KLRG1: variants seen among roughly 807,000 people sequenced by gnomAD.
KLRG1 encodes killer cell lectin-like receptor subfamily G member 1.
A neutral mutation model predicts 21.8 loss-of-function variants in KLRG1; 16 were observed. The ratio of observed to expected loss-of-function variants is 0.73; its 90% CI spans 0.50 to 1.11. The LOEUF (loss-of-function observed/expected upper bound fraction) is 1.11. KLRG1 is among the 50% of genes most tolerant of loss of function. The pLI is 0.00. For synonymous variants in KLRG1, 69 were observed against 75.9 expected, an observed-to-expected ratio of 0.91 and a Z score of 0.47; for missense variants, 173 against 218.3, an observed-to-expected ratio of 0.79 and a Z score of 1.31.
the KLRG1 span, among the ~76,000 whole-genome samples, chr12:9,177,371 T>C: frequency 6.6e-6 from 1 of 152,184 alleles, no homozygotes; most frequent in Middle Eastern, 3.2e-3. Flanking sequence ...GAAGCAGATC[T>C]TCCAACCTCT....
chr12:9,132,046 C>G, the KLRG1 span, among the ~76,000 whole-genome samples: 2 of 152,066 alleles, frequency 1.3e-5, no homozygotes, highest in South Asian at 4.1e-4. Flanking sequence ...TGGGCATACC[C>G]CTGAATGTCC....
the KLRG1 span, chr12:9,162,605 C>T: frequency 1.3e-6 from 2 of 1,589,996 alleles, no homozygotes; most frequent in African/African-American, 1.3e-5. Context: ...ACCTGAGGCA[C>T]AGGTCATAGA....
At chr12:9,141,425 A>G in the KLRG1 span, among the ~76,000 whole-genome samples, 5 of 152,210 alleles carry the variant, frequency 3.3e-5, no homozygotes, top group African/African-American at 9.6e-5. Context: ...TAAGATTTCT[A>G]TAGACCCTTT....
intron 3 of KLRG1, among the ~76,000 whole-genome samples, chr12:8,999,555 G>A (rs779330078): frequency 2.8e-4 from 42 of 152,306 alleles, no homozygotes; most frequent in Non-Finnish European, 5.0e-4. Context: ...TTCTTTGGGT[G>A]CAGCAATGCA....
chr12:8,995,698 T>G (rs997618633), intron 3 of KLRG1, among the ~76,000 whole-genome samples: 9 of 151,872 alleles, frequency 5.9e-5, no homozygotes, highest in Non-Finnish European at 1.2e-4. Flanking sequence ...TTTTTTTTTT[T>G]TTTTGACAGA....
the KLRG1 span, chr12:9,152,904 A>G: frequency 6.2e-7 from 1 of 1,614,198 alleles, no homozygotes; most frequent in Middle Eastern, 1.6e-4. Flanking sequence ...CTTTTAAAGC[A>G]AATGGGGAGT....
the KLRG1 span, chr12:9,079,267 A>G: frequency 3.7e-6 from 6 of 1,613,758 alleles, no homozygotes; most frequent in South Asian, 1.1e-5. Flanking sequence ...GGTTCCTGCC[A>G]TATCGCTCCC....
At chr12:8,986,983 C>T (rs1364807245), upstream of KLRG1, among the ~76,000 whole-genome samples, 4 of 152,174 alleles carry the variant, frequency 2.6e-5, no homozygotes, top group African/African-American at 7.2e-5. Flanking sequence ...TTTCCTGAGG[C>T]CTGCCCAGAA....
the KLRG1 span, among the ~76,000 whole-genome samples, chr12:9,146,781 C>G: frequency 1.3e-5 from 2 of 152,124 alleles, no homozygotes; most frequent in Non-Finnish European, 2.9e-5. Flanking sequence ...ATAGTGTTCA[C>G]CACTTCAAAT....
At chr12:9,024,745 G>T in the KLRG1 span, among the ~76,000 whole-genome samples, 1 of 152,150 alleles carries the variant, frequency 6.6e-6, no homozygotes, top group Admixed American at 6.5e-5. Flanking sequence ...TTCACCCCTG[G>T]TTCCATTTTT....
At chr12:8,971,308 A>C (rs1946562877) in intron 1 of KLRG1, 1 of 151,884 alleles carries the variant, frequency 6.6e-6, no homozygotes, top group Non-Finnish European at 1.5e-5. Context: ...TCAGTTTGTT[A>C]AATTCTGTTT....
the KLRG1 span, among the ~76,000 whole-genome samples, chr12:9,031,656 G>C: frequency 1.3e-5 from 2 of 152,250 alleles, no homozygotes; most frequent in African/African-American, 4.8e-5. Context: ...AGGAGGTCCT[G>C]GGAACATGTG....
At chr12:9,110,335 C>A in the KLRG1 span, 1 of 1,432,880 alleles carries the variant, frequency 7.0e-7, no homozygotes, top group Non-Finnish European at 9.3e-7. Flanking sequence ...CTAGTGGAAT[C>A]TGAAAGACAA....
the KLRG1 span, among the ~76,000 whole-genome samples, chr12:9,177,251 A>G: frequency 1.3e-5 from 2 of 152,238 alleles, no homozygotes; most frequent in Admixed American, 6.5e-5. Flanking sequence ...CTTGGATCAC[A>G]TGCTCTGGAG....
In KLRG1 at chr12:9,009,385, G is replaced by A. The variant is rs984717278; in HGVS notation, c.459-41G>A. ...TCATGCCTTTCAACTCCTTTTCTGTGCATGCGGCCTTAAGTGATTGACTTT... is the reference window on the plus strand; with the variant it reads ...TCATGCCTTTCAACTCCTTTTCTGTACATGCGGCCTTAAGTGATTGACTTT... On this transcript the variant is annotated intron_variant, in intron 4 of 4. Transcript: ENST00000356986. The A allele has an allele frequency of 4.3e-6, 7 of 1,609,960 alleles. No homozygotes were observed. The African/African-American group carries it at 5.4e-5, about 12-fold the overall frequency.
the KLRG1 span, among the ~76,000 whole-genome samples, chr12:9,105,334 A>G: frequency 6.6e-6 from 1 of 152,258 alleles, no homozygotes; most frequent in Admixed American, 6.5e-5. Flanking sequence ...TTTAACAGCA[A>G]TAAAATGTAC....
downstream of KLRG1, among the ~76,000 whole-genome samples, chr12:9,015,739 A>G (rs1346976971): frequency 6.6e-6 from 1 of 152,222 alleles, no homozygotes; most frequent in Admixed American, 6.5e-5. Context: ...ATCATTCTCA[A>G]GGATAGATCA....
At chr12:9,203,348 T>TC in the KLRG1 span, among the ~76,000 whole-genome samples, 1 of 148,434 alleles carries the variant, frequency 6.7e-6, no homozygotes, top group Non-Finnish European at 1.5e-5. Context: ...TTTTTTTTTT[T>TC]TTTTTTTTTT....
chr12:8,963,810 A>C (rs1246366898), intron 1 of KLRG1, among the ~76,000 whole-genome samples: 1 of 152,148 alleles, frequency 6.6e-6, no homozygotes, highest in Non-Finnish European at 1.5e-5. Flanking sequence ...TAGATTTTCT[A>C]GTTTATTTGC....
Sources: gnomAD v4.1 joint callset for allele counts (sites outside exome capture counted in the v4.1 genomes callset) on GRCh38, gnomAD v4.1.1 for gene constraint, MANE v1.5 for transcripts, NCBI Gene and HGNC (gene_info 2026-07-23, HGNC 2026-07-21) for gene names.